Variants in DIS3L2 observed in about 807,000 individuals in gnomAD.
The protein encoded by DIS3L2 is DIS3 like 3'-5' exoribonuclease 2, also known as DIS3-like exonuclease 2.
Under a neutral mutation model 97.5 loss-of-function variants are expected in DIS3L2, and 34 were observed. The ratio of observed to expected loss-of-function variants is 0.35; its 90% CI spans 0.27 to 0.46. The LOEUF is 0.46. Ranked by LOEUF, DIS3L2 falls within the 20% of genes least tolerant of loss-of-function variation. The probability of loss-of-function intolerance (pLI) is 1.00; values close to 1 mark genes in which losing one functional copy is unlikely to be tolerated. For synonymous variants in DIS3L2, 435 were observed against 445.2 expected, an observed-to-expected ratio of 0.98 and a Z score of 0.29; for missense variants, 1,038 against 1,146.0, an observed-to-expected ratio of 0.91 and a Z score of 1.36.
chr2:232,316,774 G>C (rs1022280919), intron 14 of DIS3L2, among the ~76,000 whole-genome samples: 1 of 152,192 alleles, frequency 6.6e-6, no homozygotes, highest in Non-Finnish European at 1.5e-5. Context: ...TTATTGAATT[G>C]TTCTTCTTTA....
At chr2:232,258,262 A>G (rs1242434176) in intron 12 of DIS3L2, among the ~76,000 whole-genome samples, 1 of 152,204 alleles carries the variant, frequency 6.6e-6, no homozygotes, top group Non-Finnish European at 1.5e-5. Flanking sequence ...ACCTGCCTAC[A>G]GAAGAGTGAC....
intron 14 of DIS3L2, among the ~76,000 whole-genome samples, chr2:232,327,713 A>G (rs576254316): frequency 1.3e-5 from 2 of 152,330 alleles, no homozygotes; most frequent in South Asian, 4.1e-4. Flanking sequence ...AGGCTTCAAA[A>G]GAATTGAGGA....
In DIS3L2 at chr2:232,283,040, G is replaced by A. The variant is rs557809979; in HGVS notation, c.1660-17000G>A. On this transcript the variant is annotated intron_variant, in intron 13 of 20. Coordinates refer to ENST00000325385, the MANE Select transcript of DIS3L2 (RefSeq NM_152383.5). ...CCTTAATCATCTGTGACCACTGAGA[G>A]CCTTATTTTCTATAAAGAAGCACAG... 3.4e-4 allele frequency among the ~76,000 whole-genome samples: 52 copies of A among 152,292 alleles called. 1 individual carries two copies. The South Asian group carries it at 9.5e-3, about 28-fold the overall frequency.
At chr2:232,052,213 G>A (rs549398359) in intron 5 of DIS3L2, among the ~76,000 whole-genome samples, 19 of 152,128 alleles carry the variant, frequency 1.2e-4, no homozygotes, top group African/African-American at 4.1e-4. Flanking sequence ...TAGTAGAGAC[G>A]GGGTTTTGCC....
In DIS3L2 at chr2:232,337,100, T is replaced by TGTCA; in HGVS notation, c.*473_*476dup. The TGTCA allele has an allele frequency of 9.8e-7, 1 of 1,023,686 alleles. No individual in the cohort carries two copies. The highest frequency in any genetic ancestry group is 1.1e-4 in the East Asian group (1 of 9,322). The allele number at this position is 1,023,686 out of a possible 1,614,324, so 63.4% of individuals were successfully genotyped here. The stretch of plus-strand genomic sequence containing the variant: ...CCGATGTCAACACCTGGAACTTTCC[T>TGTCA]GTCAGTTCCAACACGATTCAGAGCT... On this transcript the variant is annotated 3_prime_UTR_variant, in exon 21 of 21. Coordinates refer to ENST00000325385, the MANE Select transcript of DIS3L2 (RefSeq NM_152383.5).
chr2:232,073,535 T>C (rs1696096730), intron 5 of DIS3L2, among the ~76,000 whole-genome samples: 1 of 152,256 alleles, frequency 6.6e-6, no homozygotes, highest in African/African-American at 2.4e-5. Context: ...AGTGCTAATA[T>C]GGACTTGCTC....
chr2:232,193,983 G>A (rs1559722244), intron 9 of DIS3L2, among the ~76,000 whole-genome samples: 1 of 152,088 alleles, frequency 6.6e-6, no homozygotes. Context: ...GGTGGTGCTC[G>A]CCTGTAGTCC....
chr2:232,032,008 C>CACTA (rs1320608615), intron 5 of DIS3L2, among the ~76,000 whole-genome samples: 1 of 152,108 alleles, frequency 6.6e-6, no homozygotes, highest in African/African-American at 2.4e-5. Flanking sequence ...GATTTATAAT[C>CACTA]CTTTGGGTAT....
intron 8 of DIS3L2, among the ~76,000 whole-genome samples, chr2:232,148,747 T>TC (rs1690299441): frequency 8.9e-6 from 1 of 112,630 alleles, no homozygotes; most frequent in South Asian, 2.9e-4. Flanking sequence ...TAATTTTCTT[T>TC]CTTTTTTTTT....
chr2:231,982,084 C>CT (rs1270359964), intron 1 of DIS3L2, among the ~76,000 whole-genome samples: 1 of 148,346 alleles, frequency 6.7e-6, no homozygotes, highest in African/African-American at 2.6e-5. Context: ...TTGTCATATT[C>CT]TTTTTTGGAC....
chr2:232,338,268 G>T (rs548205576), downstream of DIS3L2, among the ~76,000 whole-genome samples: 6 of 152,200 alleles, frequency 3.9e-5, no homozygotes, highest in South Asian at 6.2e-4. Context: ...GGCCTCCCAC[G>T]AAGCATGGGA....
At chr2:232,338,093 G>T (rs1005821087), downstream of DIS3L2, among the ~76,000 whole-genome samples, 2 of 152,068 alleles carry the variant, frequency 1.3e-5, no homozygotes, top group Non-Finnish European at 2.9e-5. Context: ...AGGCTGTGGG[G>T]TGCTGCCCCA....
intron 6 of DIS3L2, among the ~76,000 whole-genome samples, chr2:232,103,724 G>A (rs568928578): frequency 6.6e-6 from 1 of 152,180 alleles, no homozygotes; most frequent in African/African-American, 2.4e-5. Context: ...TTACAATAGC[G>A]TTGAGAGTGA....
intron 14 of DIS3L2, among the ~76,000 whole-genome samples, chr2:232,303,963 G>A (rs1191089240): frequency 6.6e-6 from 1 of 152,186 alleles, no homozygotes; most frequent in Non-Finnish European, 1.5e-5. Context: ...AGGCACAGCT[G>A]TCGGGTAAAC....
chr2:232,250,400 C>G (rs1312323180), intron 12 of DIS3L2, among the ~76,000 whole-genome samples: 1 of 151,582 alleles, frequency 6.6e-6, no homozygotes, highest in African/African-American at 2.4e-5. Context: ...ACAACAGCAA[C>G]AAAATTTTGG....
At chr2:232,195,959 A>G (rs1354369966) in intron 9 of DIS3L2, among the ~76,000 whole-genome samples, 2 of 152,152 alleles carry the variant, frequency 1.3e-5, no homozygotes, top group African/African-American at 4.8e-5. Context: ...TTTAAAGTTA[A>G]AGTATGAATT....
At chr2:232,284,948 G>A (rs1338292223) in intron 13 of DIS3L2, among the ~76,000 whole-genome samples, 2 of 152,172 alleles carry the variant, frequency 1.3e-5, no homozygotes, top group Non-Finnish European at 2.9e-5. Flanking sequence ...AGGAGAGCCC[G>A]AAGGAGACTT....
intron 1 of DIS3L2, among the ~76,000 whole-genome samples, chr2:231,976,505 T>G (rs1693098266): frequency 6.6e-6 from 1 of 151,752 alleles, no homozygotes; most frequent in Non-Finnish European, 1.5e-5. Context: ...GGTGCGTGCC[T>G]ATAGTCCCAG....
intron 5 of DIS3L2, among the ~76,000 whole-genome samples, chr2:232,085,059 C>T (rs944107727): frequency 1.3e-5 from 2 of 152,102 alleles, no homozygotes; most frequent in Non-Finnish European, 2.9e-5. Context: ...TAAGCATGAT[C>T]TTTGTGTTAC....
Sources: allele counts gnomAD v4.1 joint callset (sites outside exome capture counted in the v4.1 genomes callset), GRCh38; gene constraint gnomAD v4.1.1; transcripts MANE v1.5; gene names NCBI Gene and HGNC (gene_info 2026-07-23, HGNC 2026-07-21).